The following RELCH variants were observed in gnomAD, a reference collection of about 807,000 sequenced individuals.
The protein encoded by RELCH is RAB11 binding and LisH domain, coiled-coil and HEAT repeat containing.
RELCH carries 41 observed loss-of-function variants against 150.3 expected under a neutral mutation model. The ratio of observed to expected loss-of-function variants is 0.27; its 90% CI spans 0.21 to 0.35. RELCH has a LOEUF of 0.35. Among genes scored for constraint, RELCH ranks in the 10% least tolerant of loss-of-function variants. The probability of loss-of-function intolerance (pLI) is 1.00; values close to 1 mark genes in which losing one functional copy is unlikely to be tolerated. For missense variants in RELCH, 1,092 were observed against 1,467.8 expected (o/e 0.74, Z 4.18); for synonymous variants, 478 against 531.8 (o/e 0.90, Z 1.39).
chr18:62,241,915 C>G (rs949093151), intron 10 of RELCH, among the ~76,000 whole-genome samples: 1 of 152,040 alleles, frequency 6.6e-6, no homozygotes, highest in African/African-American at 2.4e-5. Context: ...ATTTTAATAG[C>G]AATACAAATA....
chr18:62,263,896 G>T (rs886830820), intron 16 of RELCH, 93 bp from the exon 17 acceptor site: 4 of 839,012 alleles, frequency 4.8e-6, no homozygotes, highest in Non-Finnish European at 7.4e-6. Flanking sequence ...AATTAAATAT[G>T]AGGAGAAAGG....
rs185056668 is a variant in RELCH, at chr18:62,190,874, C to A, written c.526+2843C>A. Among the ~76,000 whole-genome samples the A allele has an allele frequency of 3.0e-4, 46 of 152,296 alleles. 1 individual carries two copies. The East Asian group carries it at 6.0e-3, about 20-fold the overall frequency. On this transcript the variant is annotated intron_variant, in intron 1 of 28. Coordinates refer to ENST00000644646, the MANE Select transcript of RELCH (RefSeq NM_001346231.2). ...CCAGTTATGACCACCAAAAATGTCT[C>A]CAGCATTGCCCAGGGAAGGGGAGGG...
intron 1 of RELCH, among the ~76,000 whole-genome samples, chr18:62,200,991 T>G (rs2039399362): frequency 2.1e-5 from 2 of 96,948 alleles, no homozygotes; most frequent in South Asian, 8.2e-4. Flanking sequence ...TTTTTTTTTT[T>G]GAGACTGAGA....
chr18:62,231,362 A>C (rs2041562771), intron 9 of RELCH, 93 bp downstream of exon 9: 4 of 736,322 alleles, frequency 5.4e-6, no homozygotes, highest in Non-Finnish European at 9.1e-6. Context: ...ATCTGTGATA[A>C]GACTGTATTT....
Position 62,194,713 on chromosome 18 carries a change from TACTC to T in RELCH, c.526+6684_526+6687del, listed in dbSNP as rs769593417. ...ATACTACTTGGATGTGATTTTATAATACTCAATAAGCACTTGTTGGTTGATTATA... is the reference window on the plus strand; with the variant it reads ...ATACTACTTGGATGTGATTTTATAATAATAAGCACTTGTTGGTTGATTATA... On this transcript the variant is annotated intron_variant, in intron 1 of 28. Coordinates refer to ENST00000644646, the MANE Select transcript of RELCH (RefSeq NM_001346231.2). Among the ~76,000 whole-genome samples the T allele has an allele frequency of 7.5e-4, 115 of 152,340 alleles. 1 individual carries two copies. The highest frequency in any genetic ancestry group is 1.2e-3 in the Non-Finnish European group (81 of 68,026).
At chr18:62,278,283 G>A (rs1255034762) in intron 22 of RELCH, among the ~76,000 whole-genome samples, 1 of 152,056 alleles carries the variant, frequency 6.6e-6, no homozygotes, top group African/African-American at 2.4e-5. Context: ...AAATGATACA[G>A]AGAAGAAAGT....
At chr18:62,248,626 C>G (rs900629256) in intron 11 of RELCH, among the ~76,000 whole-genome samples, 1 of 152,104 alleles carries the variant, frequency 6.6e-6, no homozygotes, top group Non-Finnish European at 1.5e-5. Context: ...CACAGATGAA[C>G]TAGATACATT....
intron 2 of RELCH, among the ~76,000 whole-genome samples, chr18:62,217,994 A>G (rs756114274): frequency 5.9e-5 from 9 of 152,038 alleles, no homozygotes; most frequent in Admixed American, 2.0e-4. Flanking sequence ...TCTCAAGTCT[A>G]TAATTGGCAG....
At chr18:62,223,176 A>G (rs1485389219) in intron 5 of RELCH, among the ~76,000 whole-genome samples, 1 of 151,960 alleles carries the variant, frequency 6.6e-6, no homozygotes, top group African/African-American at 2.4e-5. Context: ...ATAGAGAAAA[A>G]TTAATGAAAC....
chr18:62,292,995 T>G (rs1487592727), intron 27 of RELCH, among the ~76,000 whole-genome samples: 1 of 152,176 alleles, frequency 6.6e-6, no homozygotes, highest in African/African-American at 2.4e-5. Context: ...TACAAGGCCT[T>G]TTATCATCTG....
chr18:62,300,931 T>C (rs1485172798), intron 28 of RELCH: 1 of 152,218 alleles, frequency 6.6e-6, no homozygotes, highest in Non-Finnish European at 1.5e-5. Flanking sequence ...TCAGAGTGCT[T>C]ACCATGGGCT....
At position 62,220,927 on chromosome 18, in the gene RELCH, A is replaced by G. The variant is rs759991804; in HGVS notation, c.617-110A>G. ...AAAGATTGCATGCTTTCTGTTTTCA[A>G]TACAAATTGTATTTTTTTTTCATAC... On this transcript the variant is annotated intron_variant, in intron 2 of 28. Coordinates refer to ENST00000644646, the MANE Select transcript of RELCH (RefSeq NM_001346231.2). The G allele has an allele frequency of 5.6e-4, 502 of 889,690 alleles. No individual in the cohort carries two copies. The highest frequency in any genetic ancestry group is 7.3e-4 in the Non-Finnish European group (396 of 545,328). 55.1% of individuals were successfully genotyped at this position (889,690 alleles called of 1,614,324 possible). A position where few individuals can be genotyped will look rare whatever the true frequency, so the allele number is the denominator to read the frequency against.
intron 22 of RELCH, among the ~76,000 whole-genome samples, chr18:62,276,344 T>A (rs1413571220): frequency 1.3e-5 from 2 of 152,122 alleles, no homozygotes; most frequent in African/African-American, 2.4e-5. Context: ...TCTCAAAGTA[T>A]CAGTCTCAAA....
chr18:62,222,570 C>T (rs2148381292), intron 5 of RELCH, among the ~76,000 whole-genome samples: 1 of 152,038 alleles, frequency 6.6e-6, no homozygotes, highest in East Asian at 1.9e-4. Context: ...CTAGCTCTAT[C>T]AGTATTCACT....
chr18:62,307,436 A>G lies in RELCH; in HGVS notation c.*1902A>G, dbSNP rs1042193224. The stretch of plus-strand genomic sequence containing the variant: ...TGTGAACATTTTTCTTAATTAATGA[A>G]TATATTTATTTAAGTGCTAATGTTT... On this transcript the variant is annotated 3_prime_UTR_variant, in exon 29 of 29. Coordinates refer to ENST00000644646, the MANE Select transcript of RELCH (RefSeq NM_001346231.2). The G allele has an allele frequency of 4.6e-5, 7 of 152,104 alleles. No homozygotes were observed. Among genetic ancestry groups the G allele is most frequent in the Non-Finnish European group, 1.0e-4 (7 of 67,994 alleles). The allele number at this position is 152,104 out of a possible 1,614,324, so 9.4% of individuals were successfully genotyped here. A position where few individuals can be genotyped will look rare whatever the true frequency, so the allele number is the denominator to read the frequency against.
rs760591251 is a variant in RELCH, at chr18:62,211,220, G to A, written c.594G>A (p.Arg198=). 2 of 1,607,350 alleles carry A rather than the reference G, an allele frequency of 1.2e-6. No individual in the cohort carries two copies. Among genetic ancestry groups the A allele is most frequent in the African/African-American group, 2.7e-5 (2 of 74,742 alleles). Residue 198 remains arginine, a synonymous_variant, in exon 2 of 29, where the codon AGG becomes AGA. Transcript: ENST00000644646. ...CAAGATATTCAGATGATGGTAACAG[G>A]GAAACAGATGAAAAAGTGGCAGGTG... ...DFARYSDDGN[R]ETDEKVAVLE...
intron 5 of RELCH, among the ~76,000 whole-genome samples, chr18:62,223,659 A>G (rs2041021874): frequency 2.0e-5 from 3 of 152,124 alleles, no homozygotes. Context: ...CTTTATTAAT[A>G]TAGATATAGA....
At chr18:62,221,845 A>G (rs746929903) in intron 5 of RELCH, among the ~76,000 whole-genome samples, 1 of 151,964 alleles carries the variant, frequency 6.6e-6, no homozygotes, top group African/African-American at 2.4e-5. Flanking sequence ...CAGTTTAACT[A>G]TAAACCTCTT....
At chr18:62,288,648 TAG>T (rs2044948223) in intron 26 of RELCH, among the ~76,000 whole-genome samples, 3 of 152,142 alleles carry the variant, frequency 2.0e-5, no homozygotes. Context: ...TTTTAAAATA[TAG>T]ATGGCACCAT....
Sources: allele counts gnomAD v4.1 joint callset (sites outside exome capture counted in the v4.1 genomes callset), GRCh38; gene constraint gnomAD v4.1.1; transcripts MANE v1.5; gene names NCBI Gene and HGNC (gene_info 2026-07-23, HGNC 2026-07-21).